Variants in FBXW7 observed in about 807,000 individuals in gnomAD.
FBXW7 encodes F-box and WD repeat domain containing 7.
FBXW7 carries 11 observed loss-of-function variants against 86.3 expected under a neutral mutation model. That is an observed-to-expected ratio of 0.13 (90% confidence interval 0.08 to 0.21). The LOEUF is 0.21. Ranked by LOEUF, FBXW7 falls within the 10% of genes least tolerant of loss-of-function variation. FBXW7 has a pLI of 1.00. For synonymous variants in FBXW7, 313 were observed against 297.9 expected (o/e 1.05, Z -0.52); for missense variants, 488 against 847.4 (o/e 0.58, Z 5.27).
intron 2 of FBXW7, among the ~76,000 whole-genome samples, chr4:152,442,888 G>A (rs183679556): frequency 9.3e-4 from 141 of 152,328 alleles, no homozygotes; most frequent in African/African-American, 3.2e-3. Flanking sequence ...GCTTATAATA[G>A]TTTCAGTGCC....
intron 4 of FBXW7, among the ~76,000 whole-genome samples, chr4:152,383,416 T>C (rs1280155424): frequency 6.6e-6 from 1 of 152,154 alleles, no homozygotes; most frequent in Non-Finnish European, 1.5e-5. Context: ...AACTAAACTT[T>C]CCAGCATTAT....
intron 2 of FBXW7, among the ~76,000 whole-genome samples, chr4:152,414,625 C>T (rs1013003614): frequency 8.5e-5 from 13 of 152,130 alleles, no homozygotes; most frequent in African/African-American, 3.1e-4. Context: ...ATTGAAAGTT[C>T]AGATAGCTCA....
chr4:152,440,717 A>G (rs1292478191), intron 2 of FBXW7, among the ~76,000 whole-genome samples: 5 of 152,202 alleles, frequency 3.3e-5, no homozygotes, highest in Non-Finnish European at 7.3e-5. Flanking sequence ...AGAAAATGGT[A>G]CCTTGCACAG....
At position 152,381,980 on chromosome 4, in the gene FBXW7, G is replaced by A. The variant is rs1050537804; in HGVS notation, c.501+29323C>T. Among the ~76,000 whole-genome samples the A allele has an allele frequency of 2.6e-5, 4 of 152,160 alleles. No individual in the cohort carries two copies. The East Asian group carries it at 7.7e-4, about 29-fold the overall frequency. The stretch of plus-strand genomic sequence containing the variant: ...GATTCTAATTTCATGAAAAATAAAT[G>A]AGAGAAAAAGGTGAACTGGGTAACC... On this transcript the variant is annotated intron_variant, in intron 4 of 13. Coordinates refer to ENST00000281708, the MANE Select transcript of FBXW7 (RefSeq NM_001349798.2).
At chr4:152,451,182 G>A (rs575334728) in intron 2 of FBXW7, among the ~76,000 whole-genome samples, 421 of 152,328 alleles carry the variant, frequency 2.8e-3, no homozygotes, top group Non-Finnish European at 4.1e-3. Context: ...CGTTTTCAAA[G>A]AGGAAAGAAC....
intron 2 of FBXW7, among the ~76,000 whole-genome samples, chr4:152,514,710 T>C (rs1748304868): frequency 6.6e-6 from 1 of 152,188 alleles, no homozygotes; most frequent in East Asian, 1.9e-4. Context: ...ATGTGATACC[T>C]GCTCCCCTTC....
intron 2 of FBXW7, among the ~76,000 whole-genome samples, chr4:152,431,396 C>G (rs914148328): frequency 1.3e-5 from 2 of 152,122 alleles, no homozygotes; most frequent in African/African-American, 4.8e-5. Context: ...GAAAAAAAAG[C>G]TGATTTGTTA....
At chr4:152,369,363 T>G (rs1041876089) in intron 4 of FBXW7, among the ~76,000 whole-genome samples, 4 of 152,116 alleles carry the variant, frequency 2.6e-5, no homozygotes, top group African/African-American at 9.7e-5. Context: ...ATCCGCGCTC[T>G]TAGGCACTCT....
At chr4:152,484,982 T>C (rs1434589893) in intron 2 of FBXW7, among the ~76,000 whole-genome samples, 2 of 141,798 alleles carry the variant, frequency 1.4e-5, no homozygotes, top group Admixed American at 1.4e-4. Context: ...AAAAAAAGTA[T>C]AAAGCCCAAT....
chr4:152,427,118 C>T (rs183468624), intron 2 of FBXW7, among the ~76,000 whole-genome samples: 2 of 152,010 alleles, frequency 1.3e-5, no homozygotes, highest in African/African-American at 4.8e-5. Context: ...GGAAAATAAG[C>T]TAGATAAAAT....
intron 4 of FBXW7, among the ~76,000 whole-genome samples, chr4:152,357,166 AATAG>A (rs1732462865): frequency 6.6e-6 from 1 of 152,198 alleles, no homozygotes; most frequent in African/African-American, 2.4e-5. Context: ...TAAACACTGT[AATAG>A]ATAATCTTAC....
At chr4:152,392,167 T>C (rs971049493) in intron 4 of FBXW7, among the ~76,000 whole-genome samples, 2 of 152,164 alleles carry the variant, frequency 1.3e-5, no homozygotes, top group African/African-American at 2.4e-5. Flanking sequence ...CCATCTTGCA[T>C]GCTCTTCTTG....
intron 4 of FBXW7, among the ~76,000 whole-genome samples, chr4:152,382,751 A>T (rs972107588): frequency 4.6e-5 from 7 of 152,164 alleles, no homozygotes; most frequent in Admixed American, 6.6e-5. Flanking sequence ...TAAAATAAAA[A>T]AAACAAACAT....
At chr4:152,497,819 A>G (rs920545520) in intron 2 of FBXW7, among the ~76,000 whole-genome samples, 11 of 152,212 alleles carry the variant, frequency 7.2e-5, no homozygotes, top group African/African-American at 2.4e-4. Context: ...GAGCATTACA[A>G]TATTATTTGC....
intron 2 of FBXW7, among the ~76,000 whole-genome samples, chr4:152,419,855 TA>T (rs537296293): frequency 3.7e-4 from 56 of 152,290 alleles, no homozygotes; most frequent in Non-Finnish European, 5.7e-4. Flanking sequence ...CTATACTGCT[TA>T]AAAAAATGCT....
intron 2 of FBXW7, among the ~76,000 whole-genome samples, chr4:152,472,283 C>A (rs1744033686): frequency 6.6e-6 from 1 of 152,132 alleles, no homozygotes; most frequent in African/African-American, 2.4e-5. Flanking sequence ...CTAAGTGATA[C>A]TACCCCTGAG....
rs760682093 is a variant in FBXW7 at position 152,352,706 on chromosome 4, T to C, written c.502-2582A>G. ...CAGTAAAGGCAAATGCAGCTCAGTA[T>C]CAAACCGCTTCTCGGGACACACATA... On this transcript the variant is annotated intron_variant, in intron 4 of 13. Coordinates refer to ENST00000281708, the MANE Select transcript of FBXW7 (RefSeq NM_001349798.2). 5 of 1,613,728 alleles carry C rather than the reference T, an allele frequency of 3.1e-6. No homozygotes were observed. The South Asian group carries it at 5.5e-5, about 18-fold the overall frequency.
chr4:152,458,472 C>T lies in FBXW7; in HGVS notation c.-119-45943G>A, dbSNP rs572405842. Among the ~76,000 whole-genome samples the T allele has an allele frequency of 2.0e-5, 3 of 152,330 alleles. No homozygotes were observed. In the East Asian group the frequency reaches 5.8e-4, roughly 29 times the overall value. ...TCAAGAGGTAGAAGATACGCATCAT[C>T]TCAGTCAATTAAAAAGAATGATCCA... On this transcript the variant is annotated intron_variant, in intron 2 of 13. Coordinates refer to ENST00000281708, the MANE Select transcript of FBXW7 (RefSeq NM_001349798.2).
chr4:152,440,715 G>T (rs1740811970), intron 2 of FBXW7, among the ~76,000 whole-genome samples: 1 of 152,054 alleles, frequency 6.6e-6, no homozygotes, highest in Non-Finnish European at 1.5e-5. Context: ...GGAGAAAATG[G>T]TACCTTGCAC....
Sources: gnomAD v4.1 joint callset for allele counts (sites outside exome capture counted in the v4.1 genomes callset) on GRCh38, gnomAD v4.1.1 for gene constraint, MANE v1.5 for transcripts, NCBI Gene and HGNC (gene_info 2026-07-23, HGNC 2026-07-21) for gene names.